Variants in CTNNA3 observed in about 807,000 individuals in gnomAD.
CTNNA3 encodes the protein catenin alpha 3.
A neutral mutation model predicts 95.7 loss-of-function variants in CTNNA3; 76 were observed. The ratio of observed to expected loss-of-function variants is 0.79; its 90% CI spans 0.66 to 0.96. The LOEUF is 0.96. CTNNA3 is among the 40% of genes least tolerant of loss of function. CTNNA3 has a pLI of 0.00. For missense variants in CTNNA3, 1,191 were observed against 1,089.8 expected (o/e 1.09, Z -1.31); for synonymous variants, 431 against 374.4 (o/e 1.15, Z -1.74).
At chr10:67,387,077 G>A (rs1321182091) in intron 5 of CTNNA3, among the ~76,000 whole-genome samples, 1 of 152,164 alleles carries the variant, frequency 6.6e-6, no homozygotes, top group Non-Finnish European at 1.5e-5. Context: ...AATAGGAACG[G>A]CTCTGGTCTA....
chr10:66,498,784 C>T lies in CTNNA3; in HGVS notation c.1531+21833G>A, dbSNP rs10997194. 0.031 allele frequency among the ~76,000 whole-genome samples: 4,713 copies of T among 152,172 alleles called. 357 individuals are homozygous for T. In the East Asian group the frequency reaches 0.32, roughly 10 times the overall value. On this transcript the variant is annotated intron_variant, in intron 11 of 17. Transcript: ENST00000433211. ...CAGTGCTATACCAAGGAGAAAATCA[C>T]GTTGCATAGTTGTGCTTAATTTTTG...
At chr10:66,470,777 G>A (rs1404685294) in intron 11 of CTNNA3, among the ~76,000 whole-genome samples, 1 of 151,840 alleles carries the variant, frequency 6.6e-6, no homozygotes, top group South Asian at 2.1e-4. Context: ...GATGTGAAAG[G>A]GAGGTGGAAA....
chr10:66,243,773 C>T (rs947528011), intron 13 of CTNNA3, among the ~76,000 whole-genome samples: 4 of 152,162 alleles, frequency 2.6e-5, no homozygotes, highest in Non-Finnish European at 5.9e-5. Flanking sequence ...GATTGAGACT[C>T]GCTCCCTTGA....
At chr10:67,270,746 G>A (rs1838937143) in intron 5 of CTNNA3, among the ~76,000 whole-genome samples, 1 of 152,118 alleles carries the variant, frequency 6.6e-6, no homozygotes, top group Admixed American at 6.5e-5. Flanking sequence ...ACAAGAGAGT[G>A]GCTAATGGCT....
intron 13 of CTNNA3, among the ~76,000 whole-genome samples, chr10:66,243,529 T>A (rs1203474614): frequency 6.6e-6 from 1 of 152,178 alleles, no homozygotes; most frequent in Admixed American, 6.5e-5. Context: ...TTCAACCAAT[T>A]GCCGAACAGA....
intron 11 of CTNNA3, among the ~76,000 whole-genome samples, chr10:66,463,044 A>C (rs537434559): frequency 4.4e-4 from 67 of 152,288 alleles, no homozygotes; most frequent in African/African-American, 1.5e-3. Context: ...TTTAGCTTCC[A>C]TGTTCATCTT....
chr10:67,672,521 T>G (rs1380903817), intron 1 of CTNNA3, among the ~76,000 whole-genome samples: 1 of 152,216 alleles, frequency 6.6e-6, no homozygotes, highest in African/African-American at 2.4e-5. Flanking sequence ...TAATCCATCT[T>G]GAATTAATTT....
chr10:66,028,253 A>G (rs1051522156), intron 15 of CTNNA3, among the ~76,000 whole-genome samples: 1 of 152,230 alleles, frequency 6.6e-6, no homozygotes, highest in Non-Finnish European at 1.5e-5. Context: ...CTGGGTATAT[A>G]CCCAAAGGAT....
intron 15 of CTNNA3, among the ~76,000 whole-genome samples, chr10:66,065,598 C>T (rs192494433): frequency 1.7e-4 from 26 of 152,190 alleles, no homozygotes; most frequent in African/African-American, 6.3e-4. Context: ...CCATTGATTA[C>T]TCACTGAAAT....
intron 7 of CTNNA3, among the ~76,000 whole-genome samples, chr10:67,107,772 A>G (rs1401044619): frequency 1.3e-5 from 2 of 151,766 alleles, no homozygotes; most frequent in Non-Finnish European, 2.9e-5. Flanking sequence ...AAAACTCCAA[A>G]CAGGTCTGCA....
intron 9 of CTNNA3, among the ~76,000 whole-genome samples, chr10:66,705,326 TATA>T (rs1419046671): frequency 4.6e-5 from 7 of 152,070 alleles, no homozygotes; most frequent in African/African-American, 1.7e-4. Context: ...ACTAATTTTT[TATA>T]ATGTCTTTGG....
intron 7 of CTNNA3, among the ~76,000 whole-genome samples, chr10:66,930,478 T>A (rs1369931728): frequency 6.6e-6 from 1 of 152,190 alleles, no homozygotes; most frequent in East Asian, 1.9e-4. Flanking sequence ...TTGGCTAGCC[T>A]CATTTTTATC....
intron 7 of CTNNA3, among the ~76,000 whole-genome samples, chr10:66,947,488 T>C (rs1326455324): frequency 1.3e-5 from 2 of 152,174 alleles, no homozygotes; most frequent in East Asian, 3.9e-4. Context: ...TGTTGTTATT[T>C]AAGCAACTGA....
At chr10:65,957,524 G>A (rs1464897454) in intron 17 of CTNNA3, among the ~76,000 whole-genome samples, 1 of 152,118 alleles carries the variant, frequency 6.6e-6, no homozygotes, top group African/African-American at 2.4e-5. Flanking sequence ...GCAGTGGCTG[G>A]TACCGGTTGT....
chr10:67,456,543 A>G (rs1181428397), intron 5 of CTNNA3, among the ~76,000 whole-genome samples: 1 of 152,144 alleles, frequency 6.6e-6, no homozygotes, highest in African/African-American at 2.4e-5. Flanking sequence ...AAACTGATTT[A>G]TTTGAGCCAT....
At chr10:65,930,267 A>G (rs1159398833) in intron 17 of CTNNA3, among the ~76,000 whole-genome samples, 1 of 151,968 alleles carries the variant, frequency 6.6e-6, no homozygotes, top group Admixed American at 6.6e-5. Flanking sequence ...AATTTAACAC[A>G]AGAAATTAAT....
At chr10:67,660,709 A>T (rs1313658477) in intron 1 of CTNNA3, among the ~76,000 whole-genome samples, 1 of 152,066 alleles carries the variant, frequency 6.6e-6, no homozygotes, top group Admixed American at 6.5e-5. Context: ...GAGGCGGTGG[A>T]TCATGAGGTC....
At chr10:66,738,644 C>A (rs1564649947) in intron 9 of CTNNA3, among the ~76,000 whole-genome samples, 1 of 152,104 alleles carries the variant, frequency 6.6e-6, no homozygotes, top group African/African-American at 2.4e-5. Context: ...GGATCTTTAC[C>A]CATATACACG....
intron 5 of CTNNA3, among the ~76,000 whole-genome samples, chr10:67,297,181 T>G (rs1840075121): frequency 6.6e-6 from 1 of 152,146 alleles, no homozygotes; most frequent in South Asian, 2.1e-4. Flanking sequence ...ACCTGAAAAC[T>G]GAGTGTCCCA....
Sources: gnomAD v4.1 joint callset for allele counts (sites outside exome capture counted in the v4.1 genomes callset) on GRCh38, gnomAD v4.1.1 for gene constraint, MANE v1.5 for transcripts, NCBI Gene and HGNC (gene_info 2026-07-23, HGNC 2026-07-21) for gene names.